MAP3K15: variants seen among roughly 807,000 people sequenced by gnomAD.
MAP3K15 encodes the protein mitogen-activated protein kinase kinase kinase 15.
In MAP3K15, 124 loss-of-function variants were observed where a neutral mutation model predicts 99.5. The ratio of observed to expected loss-of-function variants is 1.25; its 90% CI spans 1.08 to 1.45. MAP3K15 has a LOEUF of 1.45. Ranked by LOEUF, MAP3K15 falls within the 40% of genes most tolerant of loss-of-function variation. The probability of loss-of-function intolerance (pLI) is 0.00; values close to 1 mark genes in which losing one functional copy is unlikely to be tolerated. For synonymous variants in MAP3K15, 494 were observed against 439.6 expected, an observed-to-expected ratio of 1.12 and a Z score of -1.55; for missense variants, 1,242 against 1,079.7, an observed-to-expected ratio of 1.15 and a Z score of -2.11.
At chrX:19,441,622 T>G (rs1367393998) in intron 6 of MAP3K15, among the ~76,000 whole-genome samples, 1 of 109,845 alleles carries the variant, frequency 9.1e-6, no homozygotes, top group Non-Finnish European at 1.9e-5. Flanking sequence ...GCCTGGTTAA[T>G]TTTTTTGTAT....
chrX:19,475,795 A>C (rs2064238200), intron 3 of MAP3K15, among the ~76,000 whole-genome samples: 1 of 112,118 alleles, frequency 8.9e-6, no homozygotes, highest in African/African-American at 3.2e-5. Flanking sequence ...AAAACAAATG[A>C]AGCTACGCAA....
chrX:19,466,442 C>G (rs985763381), intron 3 of MAP3K15, among the ~76,000 whole-genome samples: 1 of 110,806 alleles, frequency 9.0e-6, no homozygotes, highest in Non-Finnish European at 1.9e-5. Context: ...TCATGAGACC[C>G]GATGGTTTTA....
rs767197008 is a variant in MAP3K15 at position 19,395,113 on chromosome X, T to C, written c.2162A>G (p.Tyr721Cys). The C allele has an allele frequency of 8.3e-7, 1 of 1,208,806 alleles. No homozygotes were observed. Among genetic ancestry groups the C allele is most frequent in the South Asian group, 1.8e-5 (1 of 56,897 alleles). Residue 721 changes from tyrosine (Y) to cysteine (C), a missense_variant, in exon 16 of 29, where the codon TAC (tyrosine) becomes TGC (cysteine). Coordinates refer to ENST00000338883, the MANE Select transcript of MAP3K15 (RefSeq NM_001001671.4). ...QYLGSVSENG[Y>C]IKIFMEQVPG... The stretch of plus-strand genomic sequence containing the variant: ...CACCTGCTCCATAAATATCTTAATG[T>C]AGCCGTTCTCTGAAACAGAGCCCAG...
At chrX:19,445,850 A>G (rs1219782482) in intron 6 of MAP3K15, among the ~76,000 whole-genome samples, 2 of 108,548 alleles carry the variant, frequency 1.8e-5, no homozygotes, top group African/African-American at 6.7e-5. Flanking sequence ...GGGAGGCTGA[A>G]GCAGGAGAAC....
At chrX:19,416,951 G>C (rs1046029196) in intron 9 of MAP3K15, among the ~76,000 whole-genome samples, 1 of 111,725 alleles carries the variant, frequency 9.0e-6, no homozygotes, top group Non-Finnish European at 1.9e-5. Context: ...GTTATTTTGA[G>C]GTAATTTTAG....
At chrX:19,404,503 C>T (rs1018592573) in intron 13 of MAP3K15, among the ~76,000 whole-genome samples, 8 of 111,754 alleles carry the variant, frequency 7.2e-5, no homozygotes, top group Middle Eastern at 4.2e-3. Context: ...TAAGCTGATC[C>T]TAATATTTAC....
chrX:19,442,269 A>G (rs1602312277), intron 6 of MAP3K15, among the ~76,000 whole-genome samples: 1 of 111,619 alleles, frequency 9.0e-6, no homozygotes, highest in Middle Eastern at 4.6e-3. Context: ...CCCTACTTCA[A>G]TGGTTATCTT....
In MAP3K15 at chrX:19,425,588, T is replaced by C. The variant is rs1466286755; in HGVS notation, c.1382A>G (p.Asp461Gly). The change falls in exon 9 of 29, where the codon GAT becomes GGT. Residue 461 changes from aspartate to glycine, a missense_variant. By Grantham distance (94) the Asp-to-Gly change is moderately conservative (BLOSUM62 -1). Coordinates refer to ENST00000338883, the MANE Select transcript of MAP3K15 (RefSeq NM_001001671.4). The stretch of plus-strand genomic sequence containing the variant: ...TGCTGCCTGGACGGCTTTCCCGACA[T>C]CATGGGCCAGCATGCTGACGCTGAA... ...QFFSVSMLAH[D>G]VGKAVQAAER... 1 of 1,199,715 alleles carries C rather than the reference T, an allele frequency of 8.3e-7. No individual in the cohort carries two copies. The highest frequency in any genetic ancestry group is 3.0e-5 in the East Asian group (1 of 33,836).
At chrX:19,405,263 C>T (rs905240378) in intron 13 of MAP3K15, among the ~76,000 whole-genome samples, 4 of 111,889 alleles carry the variant, frequency 3.6e-5, no homozygotes, top group Admixed American at 9.6e-5. Flanking sequence ...AGATGATCCA[C>T]GTTAACATCA....
intron 1 of MAP3K15, chrX:19,497,393 C>G (rs2064413377): frequency 9.1e-6 from 1 of 110,422 alleles, no homozygotes; most frequent in Non-Finnish European, 1.9e-5. Flanking sequence ...AACTCATGAC[C>G]TCAAGTGATC....
intron 1 of MAP3K15, among the ~76,000 whole-genome samples, chrX:19,500,137 C>T (rs1278713832): frequency 8.9e-6 from 1 of 111,769 alleles, no homozygotes; most frequent in Non-Finnish European, 1.9e-5. Context: ...ATCCCAGCTA[C>T]TCAGGAAGCT....
intron 16 of MAP3K15, among the ~76,000 whole-genome samples, chrX:19,393,621 C>CAG (rs1209481511): frequency 9.6e-6 from 1 of 104,470 alleles, no homozygotes; most frequent in Admixed American, 1.0e-4. Context: ...GGGCAACAGA[C>CAG]AGAGAGACTC....
chrX:19,362,552 C>G (rs772950926), intron 26 of MAP3K15, among the ~76,000 whole-genome samples, 186 bp downstream of exon 26: 1 of 111,130 alleles, frequency 9.0e-6, no homozygotes, highest in Non-Finnish European at 1.9e-5. Flanking sequence ...AGCTCTTTCA[C>G]TTAGCATACT....
At chrX:19,460,745 GTT>G (rs1196740643) in intron 4 of MAP3K15, among the ~76,000 whole-genome samples, 3 of 105,606 alleles carry the variant, frequency 2.8e-5, no homozygotes, top group South Asian at 4.1e-4. Context: ...CAGATGTTCT[GTT>G]TTTTTGTTTT....
intron 6 of MAP3K15, among the ~76,000 whole-genome samples, chrX:19,435,372 C>T (rs941875774): frequency 9.0e-6 from 1 of 110,633 alleles, no homozygotes. Flanking sequence ...ACTACAGGCA[C>T]GTACTACCAC....
At chrX:19,507,764 T>C (rs2064489423) in intron 1 of MAP3K15, among the ~76,000 whole-genome samples, 1 of 108,666 alleles carries the variant, frequency 9.2e-6, no homozygotes, top group Admixed American at 1.0e-4. Flanking sequence ...GGCAGAGGGG[T>C]TGATGGGAAC....
At position 19,369,070 on chromosome X, in the gene MAP3K15, T is replaced by C. The variant is rs894813705; in HGVS notation, c.3550A>G (p.Arg1184Gly). ...QHLSLQLGELRQETNRLLEHL... is the reference protein window; with the variant it reads ...QHLSLQLGELGQETNRLLEHL... ...GCTCCTCACCTGTTGGTCTCCTGTCTGAGCTCACCCAGCTGGAGGCTCAGG... is the reference window on the plus strand; with the variant it reads ...GCTCCTCACCTGTTGGTCTCCTGTCCGAGCTCACCCAGCTGGAGGCTCAGG... The change falls in exon 25 of 29, where the codon AGA (arginine) becomes GGA (glycine). Residue 1184 changes from arginine to glycine, a missense_variant. Transcript: ENST00000338883. 2 of 1,204,454 alleles carry C rather than the reference T, an allele frequency of 1.7e-6. No homozygotes were observed. The highest frequency in any genetic ancestry group is 2.2e-6 in the Non-Finnish European group (2 of 892,069).
intron 25 of MAP3K15, among the ~76,000 whole-genome samples, chrX:19,363,783 T>C (rs1045463214): frequency 9.1e-6 from 1 of 110,040 alleles, no homozygotes; most frequent in African/African-American, 3.3e-5. Context: ...CTCCCGAGTA[T>C]CTGGGACTAC....
chrX:19,414,651 G>C (rs753066279), intron 10 of MAP3K15, among the ~76,000 whole-genome samples: 6 of 112,536 alleles, frequency 5.3e-5, no homozygotes, highest in Non-Finnish European at 9.4e-5. Context: ...AAACCACGCT[G>C]AATTCCAAGT....
Sources: allele counts gnomAD v4.1 joint callset (sites outside exome capture counted in the v4.1 genomes callset), GRCh38; gene constraint gnomAD v4.1.1; transcripts MANE v1.5; gene names NCBI Gene and HGNC (gene_info 2026-07-23, HGNC 2026-07-21).